The following RAPGEF2 variants were observed in gnomAD, a reference collection of about 807,000 sequenced individuals.
RAPGEF2 encodes the protein Rap guanine nucleotide exchange factor 2.
A neutral mutation model predicts 186.7 loss-of-function variants in RAPGEF2; 54 were observed. That is an observed-to-expected ratio of 0.29 (90% CI 0.23 to 0.36). The LOEUF is 0.36. Among genes scored for constraint, RAPGEF2 ranks in the 10% least tolerant of loss-of-function variants. The probability of loss-of-function intolerance (pLI) is 1.00; values close to 1 mark genes in which losing one functional copy is unlikely to be tolerated. For synonymous variants in RAPGEF2, 712 were observed against 705.9 expected, an observed-to-expected ratio of 1.01 and a Z score of -0.14; for missense variants, 1,532 against 2,045.0, an observed-to-expected ratio of 0.75 and a Z score of 4.84.
chr4:159,271,885 G>A (rs550427992), intron 7 of RAPGEF2, among the ~76,000 whole-genome samples: 1 of 152,270 alleles, frequency 6.6e-6, no homozygotes, highest in Admixed American at 6.5e-5. Context: ...TTGAAATCAT[G>A]TTGAGACTTG....
intron 4 of RAPGEF2, chr4:159,228,160 T>TG (rs1752232312): frequency 1.3e-5 from 2 of 151,128 alleles, no homozygotes; most frequent in Admixed American, 1.3e-4. Context: ...CCAGGAGAGG[T>TG]GGGTGGGTCA....
At chr4:159,330,156 A>G in intron 12 of RAPGEF2, 146 bp downstream of exon 12, 1 of 877,034 alleles carries the variant, frequency 1.1e-6, no homozygotes, top group African/African-American at 1.7e-5. Context: ...CTCCTAGTGA[A>G]TAGCAGTTTC....
chr4:159,251,207 G>A (rs532623425), intron 7 of RAPGEF2, among the ~76,000 whole-genome samples: 6 of 152,334 alleles, frequency 3.9e-5, no homozygotes, highest in African/African-American at 4.8e-5. Flanking sequence ...CGCCATGTCC[G>A]AGCCCCCCAC....
Position 159,355,877 on chromosome 4 carries a change from A to AGC in RAPGEF2, c.4677_4678dup (p.Pro1560ArgfsTer66). The AGC allele has an allele frequency of 5.2e-6, 8 of 1,546,298 alleles. No individual in the cohort carries two copies. Among genetic ancestry groups the AGC allele is most frequent in the Non-Finnish European group, 7.0e-6 (8 of 1,143,118 alleles). On this transcript the variant is annotated frameshift_variant, in exon 29 of 30. Transcript: ENST00000691494. LOFTEE classifies it high-confidence loss of function. ...GCACGAAAGGAGGGCAGGTATCGAG[A>AGC]GCCCCCGCCCACCCCTCCCGGCTAC...
At chr4:159,139,531 A>G (rs1742085352) in intron 1 of RAPGEF2, among the ~76,000 whole-genome samples, 2 of 152,184 alleles carry the variant, frequency 1.3e-5, no homozygotes, top group South Asian at 2.1e-4. Flanking sequence ...CCTGTCATAT[A>G]TACAGCATGT....
Position 159,210,098 on chromosome 4 carries a change from C to T in RAPGEF2, c.198-402C>T, listed in dbSNP as rs146761882. 2.4e-3 allele frequency among the ~76,000 whole-genome samples: 372 copies of T among 152,020 alleles called. 2 individuals are homozygous for T. The highest frequency in any genetic ancestry group is 3.7e-3 in the Non-Finnish European group (251 of 67,982). On this transcript the variant is annotated intron_variant, in intron 3 of 29. Transcript: ENST00000691494. ...ACATAAAGAAATTCTAAAAGAATAC[C>T]GAAGAAATAGTGGAGAAATGTGAGA...
chr4:159,112,460 G>A (rs1738601014), intron 1 of RAPGEF2, among the ~76,000 whole-genome samples: 1 of 152,026 alleles, frequency 6.6e-6, no homozygotes, highest in South Asian at 2.1e-4. Flanking sequence ...AATAAAATCA[G>A]AAGGAAGTCT....
intron 7 of RAPGEF2, among the ~76,000 whole-genome samples, chr4:159,259,174 A>G (rs1238754875): frequency 2.0e-5 from 3 of 152,174 alleles, no homozygotes; most frequent in South Asian, 2.1e-4. Flanking sequence ...CCCATTCCCA[A>G]TCTATGAAAT....
At chr4:159,261,825 C>T (rs1418766495) in intron 7 of RAPGEF2, among the ~76,000 whole-genome samples, 1 of 152,172 alleles carries the variant, frequency 6.6e-6, no homozygotes, top group Non-Finnish European at 1.5e-5. Flanking sequence ...TAGATAACCC[C>T]TTCTACCTCC....
chr4:159,282,654 T>G (rs1028384591), intron 7 of RAPGEF2: 1 of 452,426 alleles, frequency 2.2e-6, no homozygotes. Context: ...TGTATTCTAT[T>G]TCTTCCTAAG....
intron 11 of RAPGEF2, chr4:159,329,242 T>C (rs1232048516): frequency 1.3e-5 from 2 of 152,142 alleles, no homozygotes; most frequent in African/African-American, 4.8e-5. Context: ...TGACTTCATA[T>C]GCAGATTTTT....
chr4:159,182,445 G>T (rs542374801), intron 1 of RAPGEF2, among the ~76,000 whole-genome samples: 1 of 139,842 alleles, frequency 7.2e-6, no homozygotes, highest in East Asian at 2.1e-4. Context: ...GCCCAGGCAG[G>T]AGTGCAGTGG....
chr4:159,353,964 G>T lies in RAPGEF2; in HGVS notation c.4569G>T (p.Thr1523=), dbSNP rs145873578. ...VSIEAESSSL[T]SVTTEETKPV... ...TTGAAGCCGAAAGCAGTAGCCTAAC[G>T]TCTGTGACTACGGAAGAAACCAAGC... The change falls in exon 28 of 30, where the codon ACG becomes ACT. Residue 1523 remains threonine (T), a synonymous_variant. Coordinates refer to ENST00000691494, the MANE Select transcript of RAPGEF2 (RefSeq NM_001394067.2). The surrounding 1 kb of genome is among the most constrained non-coding windows in gnomAD (Gnocchi z 4.3). The T allele has an allele frequency of 9.9e-6, 16 of 1,613,860 alleles. No homozygotes were observed. The highest frequency in any genetic ancestry group is 1.4e-5 in the Non-Finnish European group (16 of 1,180,020).
At position 159,306,677 on chromosome 4, in the gene RAPGEF2, G is replaced by A. The variant is rs28595184; in HGVS notation, c.675+2204G>A. ...AGGACTTAGAATACTATTTTGAATA[G>A]GAGTGGGAAAGTGGGCATCCTTGTT... On this transcript the variant is annotated intron_variant, in intron 8 of 29. Transcript: ENST00000691494. Among the ~76,000 whole-genome samples the A allele has an allele frequency of 7.0e-3, 1,066 of 152,228 alleles. 11 individuals carry two copies. Among genetic ancestry groups the A allele is most frequent in the African/African-American group, 0.024 (1,011 of 41,554 alleles).
At chr4:159,278,793 G>A (rs903354211) in intron 7 of RAPGEF2, among the ~76,000 whole-genome samples, 3 of 152,088 alleles carry the variant, frequency 2.0e-5, no homozygotes, top group Non-Finnish European at 4.4e-5. Flanking sequence ...GAGGTAATAC[G>A]GTTGTGTGAA....
At chr4:159,341,252 A>T (rs1483542577) in intron 19 of RAPGEF2, among the ~76,000 whole-genome samples, 1 of 152,206 alleles carries the variant, frequency 6.6e-6, no homozygotes, top group Non-Finnish European at 1.5e-5. Flanking sequence ...AAAAATGTGG[A>T]TATTTTCTGT....
At chr4:159,215,423 C>CTT (rs1750907263) in intron 4 of RAPGEF2, among the ~76,000 whole-genome samples, 1 of 152,140 alleles carries the variant, frequency 6.6e-6, no homozygotes, top group African/African-American at 2.4e-5. Context: ...AGTGATCCTC[C>CTT]CACCTTGACC....
intron 4 of RAPGEF2, among the ~76,000 whole-genome samples, chr4:159,226,609 CTT>C (rs1293515206): frequency 6.6e-6 from 1 of 152,180 alleles, no homozygotes; most frequent in Admixed American, 6.5e-5. Flanking sequence ...ACCGCGAACT[CTT>C]TCTCCATTTA....
intron 7 of RAPGEF2, among the ~76,000 whole-genome samples, chr4:159,280,600 C>A (rs1759560838): frequency 6.6e-6 from 1 of 152,108 alleles, no homozygotes; most frequent in African/African-American, 2.4e-5. Flanking sequence ...TGTATTGTTC[C>A]CTCCTTTAAG....
Sources: gnomAD v4.1 joint callset for allele counts (sites outside exome capture counted in the v4.1 genomes callset) on GRCh38, gnomAD v4.1.1 for gene constraint, Gnocchi (gnomAD v3.1) non-coding constraint, MANE v1.5 for transcripts, NCBI Gene and HGNC (gene_info 2026-07-23, HGNC 2026-07-21) for gene names.